BCAS3: variants seen among roughly 807,000 people sequenced by gnomAD.
BCAS3 encodes the protein BCAS4/BCAS3 fusion.
Under a neutral mutation model 116.1 loss-of-function variants are expected in BCAS3, and 53 were observed. The ratio of observed to expected loss-of-function variants is 0.46; its 90% CI spans 0.37 to 0.57. The LOEUF is 0.57. Ranked by LOEUF, BCAS3 falls within the 20% of genes least tolerant of loss-of-function variation. The pLI, the probability that BCAS3 is intolerant of heterozygous loss-of-function variation, is 0.00. For missense variants in BCAS3, 917 were observed against 1,165.4 expected, an observed-to-expected ratio of 0.79 and a Z score of 3.10; for synonymous variants, 391 against 408.2, an observed-to-expected ratio of 0.96 and a Z score of 0.51.
chr17:60,794,961 G>C (rs995586562), intron 6 of BCAS3, among the ~76,000 whole-genome samples: 30 of 152,042 alleles, frequency 2.0e-4, no homozygotes, highest in African/African-American at 6.8e-4. Context: ...TATTTTGATG[G>C]GGATTGCATT....
rs1045093668 is a variant in BCAS3, at chr17:61,056,137, T to C, written c.2029+15245T>C. ...ACCACCTGCCAGAAAGCTTTGCGTATGTACTTGTTCTGTCTCCAGCTCCAA... is the reference window on the plus strand; with the variant it reads ...ACCACCTGCCAGAAAGCTTTGCGTACGTACTTGTTCTGTCTCCAGCTCCAA... On this transcript the variant is annotated intron_variant, in intron 19 of 23. Coordinates refer to ENST00000407086, the MANE Select transcript of BCAS3 (RefSeq NM_017679.5). This position sits in a 1 kb window ranked among gnomAD's most constrained non-coding sequence, Gnocchi z 4.9. Among the ~76,000 whole-genome samples, 6 of 152,230 alleles carry C rather than the reference T, an allele frequency of 3.9e-5. No homozygotes were observed. Among genetic ancestry groups the C allele is most frequent in the Non-Finnish European group, 7.3e-5 (5 of 68,038 alleles).
At chr17:61,099,554 A>G (rs1470236155) in intron 22 of BCAS3, among the ~76,000 whole-genome samples, 1 of 152,200 alleles carries the variant, frequency 6.6e-6, no homozygotes, top group East Asian at 1.9e-4. Flanking sequence ...ATCAAGTGAA[A>G]TATTTTACAA....
At chr17:60,789,722 C>T (rs2046591981) in intron 6 of BCAS3, among the ~76,000 whole-genome samples, 1 of 152,018 alleles carries the variant, frequency 6.6e-6, no homozygotes, top group Admixed American at 6.6e-5. Flanking sequence ...AAAAGTTAAT[C>T]CACTGCAATT....
Position 60,961,470 on chromosome 17 carries a change from A to G in BCAS3, c.1221+14118A>G, listed in dbSNP as rs2061409245. 6.6e-6 allele frequency among the ~76,000 whole-genome samples: 1 copy of G among 152,170 alleles called. No homozygotes were observed. Among genetic ancestry groups the G allele is most frequent in the African/African-American group, 2.4e-5 (1 of 41,450 alleles). On this transcript the variant is annotated intron_variant, in intron 14 of 23. Coordinates refer to ENST00000407086, the MANE Select transcript of BCAS3 (RefSeq NM_017679.5). This position sits in a 1 kb window ranked among gnomAD's most constrained non-coding sequence, Gnocchi z 4.8. ...CATTAGCAGAATGAACCTCGAGATT[A>G]CCCAGATGTAGTAAATTATAAAAAT...
chr17:60,754,475 G>A (rs2042800390), intron 6 of BCAS3, among the ~76,000 whole-genome samples: 1 of 151,988 alleles, frequency 6.6e-6, no homozygotes, highest in East Asian at 1.9e-4. Context: ...GGCCTCAGGT[G>A]ATCCTCCTGC....
In BCAS3 at chr17:60,893,631, CAG is replaced by C. The variant is rs1370848060; in HGVS notation, c.738+3863_738+3864del. Reference sequence around the variant, plus strand: ...TTTTTTTTTTTTTTTTTTTGCACGACAGAGTGTAGCTCTGTTGCCAAGGGTGG... The same window carrying C: ...TTTTTTTTTTTTTTTTTTTGCACGACAGTGTAGCTCTGTTGCCAAGGGTGG... On this transcript the variant is annotated intron_variant, in intron 10 of 23. Coordinates refer to ENST00000407086, the MANE Select transcript of BCAS3 (RefSeq NM_017679.5). Among the ~76,000 whole-genome samples the C allele has an allele frequency of 4.3e-5, 5 of 116,236 alleles. No individual in the cohort carries two copies. The South Asian group carries it at 1.1e-3, about 26-fold the overall frequency. The allele number at this position is 116,236 out of a possible 152,430, so 76.3% of individuals were successfully genotyped here.
chr17:61,206,359 C>T (rs578002316), intron 22 of BCAS3, among the ~76,000 whole-genome samples: 9 of 152,240 alleles, frequency 5.9e-5, no homozygotes, highest in African/African-American at 1.2e-4. Context: ...TTGTTTAGTG[C>T]GGAGGGTCAC....
intron 8 of BCAS3, among the ~76,000 whole-genome samples, chr17:60,872,578 T>G (rs1353154457): frequency 2.0e-5 from 3 of 151,356 alleles, no homozygotes; most frequent in Admixed American, 6.6e-5. Context: ...TATATCTGTA[T>G]GTATATACAC....
chr17:60,971,466 A>T (rs1403191975), intron 14 of BCAS3, among the ~76,000 whole-genome samples: 1 of 152,134 alleles, frequency 6.6e-6, no homozygotes, highest in East Asian at 1.9e-4. Flanking sequence ...TTTTTACCTA[A>T]CCCTGAATTA....
rs1048095996 is a variant in BCAS3, at chr17:61,355,998, T to A, written c.2426-12329T>A. 2.6e-5 allele frequency among the ~76,000 whole-genome samples: 4 copies of A among 152,182 alleles called. No individual in the cohort carries two copies. Among genetic ancestry groups the A allele is most frequent in the Non-Finnish European group, 4.4e-5 (3 of 68,038 alleles). On this transcript the variant is annotated intron_variant, in intron 22 of 23. Coordinates refer to ENST00000407086, the MANE Select transcript of BCAS3 (RefSeq NM_017679.5). This position sits in a 1 kb window ranked among gnomAD's most constrained non-coding sequence, Gnocchi z 4.2. ...CAGCCTACAGGAAACATTTTCTTTTTCTTTTCTCTTTTTTGAGACTGAGTC... is the reference window on the plus strand; with the variant it reads ...CAGCCTACAGGAAACATTTTCTTTTACTTTTCTCTTTTTTGAGACTGAGTC...
rs1162942971 is a variant in BCAS3, at chr17:60,911,123, C to CTTTTTTTTTT, written c.993+429_993+438dup. On this transcript the variant is annotated intron_variant, in intron 12 of 23. Coordinates refer to ENST00000407086, the MANE Select transcript of BCAS3 (RefSeq NM_017679.5). ...AATAAATTTTTTTCTTTTTTTCTTT[C>CTTTTTTTTTT]TTTTTTTTTTTTTTTTTGAGATGGA... 6.8e-3 allele frequency among the ~76,000 whole-genome samples: 597 copies of CTTTTTTTTTT among 88,238 alleles called. 32 individuals are homozygous for CTTTTTTTTTT. Among genetic ancestry groups the CTTTTTTTTTT allele is most frequent in the African/African-American group, 0.013 (294 of 22,180 alleles). The allele number at this position is 88,238 out of a possible 152,430, so 57.9% of individuals were successfully genotyped here. A position where few individuals can be genotyped will look rare whatever the true frequency, so the allele number is the denominator to read the frequency against.
intron 6 of BCAS3, among the ~76,000 whole-genome samples, chr17:60,786,513 C>T (rs1340788104): frequency 6.7e-6 from 1 of 150,250 alleles, no homozygotes; most frequent in Non-Finnish European, 1.5e-5. Flanking sequence ...CAGAGCAAGA[C>T]TCTATCTCAA....
intron 5 of BCAS3, chr17:60,727,303 C>T: frequency 8.4e-7 from 1 of 1,185,970 alleles, no homozygotes; most frequent in South Asian, 1.2e-5. Flanking sequence ...TCTTTGTGGT[C>T]TTAGCCTTCT....
chr17:60,679,485 C>A lies in BCAS3; in HGVS notation c.28C>A (p.Pro10Thr). MNEAMATDS[P>T]RRPSRCTGGV... ...GAATGAAGCTATGGCTACAGATTCC[C>A]CAAGAAGACCCAGTCGTTGTACTGG... Residue 10 changes from proline (P) to threonine (T), a missense_variant, in exon 2 of 24, where the codon CCA becomes ACA. This residue lies in a region of BCAS3 where 807 missense variants were observed against 1,026.0 expected (regional missense o/e 0.79). Transcript: ENST00000407086. 1 of 1,613,868 alleles carries A rather than the reference C, an allele frequency of 6.2e-7. No individual in the cohort carries two copies. The highest frequency in any genetic ancestry group is 8.5e-7 in the Non-Finnish European group (1 of 1,179,886).
rs145934367 is a variant in BCAS3, at chr17:61,141,920, AGTT to A, written c.2425+57357_2425+57359del. Among the ~76,000 whole-genome samples, 2,410 of 15,970 alleles carry A rather than the reference AGTT, an allele frequency of 0.15. 76 individuals carry two copies. The highest frequency in any genetic ancestry group is 0.42 in the Non-Finnish European group (1,568 of 3,718). The allele number at this position is 15,970 out of a possible 152,430, so 10.5% of individuals were successfully genotyped here. The stretch of plus-strand genomic sequence containing the variant: ...ACCTCAAGAAAAAAAAAAAAAAAAA[AGTT>A]AGACAATTATACAGAGATACTCAAG... On this transcript the variant is annotated intron_variant, in intron 22 of 23. Coordinates refer to ENST00000407086, the MANE Select transcript of BCAS3 (RefSeq NM_017679.5). This position sits in a 1 kb window ranked among gnomAD's most constrained non-coding sequence, Gnocchi z 4.3.
At chr17:60,739,771 A>G (rs1369373496) in intron 5 of BCAS3, among the ~76,000 whole-genome samples, 1 of 152,164 alleles carries the variant, frequency 6.6e-6, no homozygotes, top group Non-Finnish European at 1.5e-5. Context: ...AGGCAGGTCT[A>G]CCAGCAACAA....
At chr17:60,745,973 T>C (rs545332832) in intron 5 of BCAS3, among the ~76,000 whole-genome samples, 1 of 152,168 alleles carries the variant, frequency 6.6e-6, no homozygotes, top group African/African-American at 2.4e-5. Flanking sequence ...TGTAGATTTA[T>C]AGTAATATTG....
At position 61,139,613 on chromosome 17, in the gene BCAS3, T is replaced by C. The variant is rs556977040; in HGVS notation, c.2425+55049T>C. 6.6e-6 allele frequency among the ~76,000 whole-genome samples: 1 copy of C among 152,304 alleles called. No individual in the cohort carries two copies. The highest frequency in any genetic ancestry group is 2.4e-5 in the African/African-American group (1 of 41,556). On this transcript the variant is annotated intron_variant, in intron 22 of 23. Transcript: ENST00000407086. This position sits in a 1 kb window ranked among gnomAD's most constrained non-coding sequence, Gnocchi z 4.7. Reference sequence around the variant, plus strand: ...TGCTTATCAGAAAAAGTGTAAATGCTATTATTGACTGTTTCCTAGAACTCA... The same window carrying C: ...TGCTTATCAGAAAAAGTGTAAATGCCATTATTGACTGTTTCCTAGAACTCA...
At chr17:61,176,482 T>C (rs1444412024) in intron 22 of BCAS3, among the ~76,000 whole-genome samples, 1 of 151,214 alleles carries the variant, frequency 6.6e-6, no homozygotes, top group East Asian at 1.9e-4. Flanking sequence ...CCCCCCATTG[T>C]CAGTGATTTG....
Sources: allele counts gnomAD v4.1 joint callset (sites outside exome capture counted in the v4.1 genomes callset), GRCh38; gene constraint gnomAD v4.1.1; regional missense constraint gnomAD v4.1.1; non-coding constraint Gnocchi (gnomAD v3.1); transcripts MANE v1.5; gene names NCBI Gene and HGNC (gene_info 2026-07-23, HGNC 2026-07-21).